RPL17: variants seen among roughly 807,000 people sequenced by gnomAD.
The protein encoded by RPL17 is ribosomal protein L17.
In RPL17, 2 loss-of-function variants were observed where a neutral mutation model predicts 27.7. The observed-to-expected ratio is 0.07, with a 90% CI of 0.03 to 0.23. The LOEUF is 0.23. RPL17 is among the 10% of genes least tolerant of loss of function. The pLI is 1.00. For synonymous variants in RPL17, 76 were observed against 75.5 expected (o/e 1.01, Z -0.03); for missense variants, 141 against 238.8 (o/e 0.59, Z 2.70).
rs1217725612 is a variant in RPL17, at chr18:49,491,596, TAC to T, written c.-13-14_-13-13del. On this transcript the variant is annotated splice_polypyrimidine_tract_variant and intron_variant, in intron 1 of 6. Coordinates refer to ENST00000580261, the MANE Select transcript of RPL17 (RefSeq NM_001035006.5). ...TTTTCACAGATCACCTAGAGGAAAG[TAC>T]AGTGTAATTCTGTCAATACGTACTT... is the stretch of plus-strand genomic sequence containing the variant. 6.2e-7 allele frequency: 1 copy of T among 1,614,030 alleles called. No individual in the cohort carries two copies. The highest frequency in any genetic ancestry group is 1.3e-5 in the African/African-American group (1 of 74,914).
chr18:49,491,590 G>A lies in RPL17; in HGVS notation c.-13-6C>T. 1 of 1,614,110 alleles carries A rather than the reference G, an allele frequency of 6.2e-7. No homozygotes were observed. The highest frequency in any genetic ancestry group is 8.5e-7 in the Non-Finnish European group (1 of 1,180,026). On this transcript the variant is annotated splice_region_variant and splice_polypyrimidine_tract_variant and intron_variant, in intron 1 of 6. Coordinates refer to ENST00000580261, the MANE Select transcript of RPL17 (RefSeq NM_001035006.5). ...GAACCATTTTCACAGATCACCTAGAGGAAAGTACAGTGTAATTCTGTCAAT... is the reference window on the plus strand; with the variant it reads ...GAACCATTTTCACAGATCACCTAGAAGAAAGTACAGTGTAATTCTGTCAAT...
At chr18:49,491,493 C>T (rs1255624295) in intron 2 of RPL17, 39 bp downstream of exon 2, 1 of 1,613,980 alleles carries the variant, frequency 6.2e-7, no homozygotes, top group Admixed American at 1.7e-5. Context: ...TATGCCAAGC[C>T]CCAAGTAGGA....
rs536858789 is a variant in RPL17, at chr18:49,490,602, T to G, written c.217-50A>C. 6.2e-6 allele frequency: 10 copies of G among 1,610,788 alleles called. No individual in the cohort carries two copies. In the South Asian group the frequency reaches 1.1e-4, roughly 18 times the overall value. The stretch of plus-strand genomic sequence containing the variant: ...TCATTTTCCTTGATTTAAATTAACA[T>G]TACAGCCAAGATGAATTTATCTGAT... On this transcript the variant is annotated intron_variant, in intron 4 of 6. Transcript: ENST00000580261.
chr18:49,491,381 G>C (rs373819181), intron 3 of RPL17, 24 bp downstream of exon 3: 13 of 1,613,910 alleles, frequency 8.1e-6, no homozygotes, highest in Non-Finnish European at 1.1e-5. Flanking sequence ...AGGAACTGTT[G>C]GATCACAACT....
At chr18:49,490,406 T>C in intron 5 of RPL17, 48 bp downstream of exon 5, 1 of 1,590,886 alleles carries the variant, frequency 6.3e-7, no homozygotes, top group Non-Finnish European at 8.6e-7. Context: ...CAGCCAACAT[T>C]AATTAAACAA....
In RPL17 at chr18:49,488,561, G is replaced by C. The variant is rs1314769597; in HGVS notation, c.513C>G (p.Ser171=). Reference sequence around the variant, plus strand: ...GTTTTTGTTTCTTCAGTTTCTTCTGGGATATCTGGGGAAAGAAAAATGTGT... The same window carrying C: ...GTTTTTGTTTCTTCAGTTTCTTCTGCGATATCTGGGGAAAGAAAAATGTGT... ...EEEVAQKKKI[S]QKKLKKQKLM... is the part of the protein sequence containing the mutation. Residue 171 remains serine (S), a synonymous_variant, in exon 7 of 7, where the codon TCC becomes TCG. Coordinates refer to ENST00000580261, the MANE Select transcript of RPL17 (RefSeq NM_001035006.5). The C allele has an allele frequency of 6.4e-7, 1 of 1,553,008 alleles. No individual in the cohort carries two copies. The highest frequency in any genetic ancestry group is 1.1e-5 in the South Asian group (1 of 89,564).
chr18:49,491,231 T>C lies in RPL17; in HGVS notation c.81+174A>G, dbSNP rs1197152003. 3.6e-6 allele frequency: 4 copies of C among 1,124,846 alleles called. No individual in the cohort carries two copies. The East Asian group carries it at 9.4e-5, about 26-fold the overall frequency. The allele number at this position is 1,124,846 out of a possible 1,614,324, so 69.7% of individuals were successfully genotyped here. On this transcript the variant is annotated intron_variant, in intron 3 of 6. Coordinates refer to ENST00000580261, the MANE Select transcript of RPL17 (RefSeq NM_001035006.5). Reference sequence around the variant, plus strand: ...GGTTTTCTGGTACTACTTCTCAATTTCACAAACGCTACATCCTTACACCCT... The same window carrying C: ...GGTTTTCTGGTACTACTTCTCAATTCCACAAACGCTACATCCTTACACCCT...
At chr18:49,490,396 C>G (rs535086169) in intron 5 of RPL17, 58 bp downstream of exon 5, 205 of 1,564,762 alleles carry the variant, frequency 1.3e-4, no homozygotes, top group Non-Finnish European at 1.7e-4. Flanking sequence ...TAAATCTGAA[C>G]AGCCAACATT....
chr18:49,491,908 G>C (rs1454153593), intron 1 of RPL17: 25 of 444,810 alleles, frequency 5.6e-5, no homozygotes, highest in South Asian at 4.5e-4. Flanking sequence ...CGCATCCGCA[G>C]GGCACAACTC....
chr18:49,491,136 G>A (rs777066471), intron 3 of RPL17: 20 of 913,102 alleles, frequency 2.2e-5, no homozygotes, highest in Non-Finnish European at 2.4e-5. Flanking sequence ...ACTATAAAAC[G>A]TTTAAATTCC....
rs2083906671 is a variant in RPL17, at chr18:49,489,581, G to A, written c.316-31C>T. Reference sequence around the variant, plus strand: ...GAAGAAAGGAAGGAGAATGAAACCAGGAACATCCTTAATTAGTAAAACACC... The same window carrying A: ...GAAGAAAGGAAGGAGAATGAAACCAAGAACATCCTTAATTAGTAAAACACC... On this transcript the variant is annotated intron_variant, in intron 5 of 6. Coordinates refer to ENST00000580261, the MANE Select transcript of RPL17 (RefSeq NM_001035006.5). 1.9e-6 allele frequency: 3 copies of A among 1,595,158 alleles called. No individual in the cohort carries two copies. The South Asian group carries it at 3.3e-5, about 18-fold the overall frequency.
At position 49,491,389 on chromosome 18, in the gene RPL17, A is replaced by C. The variant is rs1229914936; in HGVS notation, c.81+16T>G. On this transcript the variant is annotated intron_variant, in intron 3 of 6. Transcript: ENST00000580261. ...GAACATGAGGAACTGTTGGATCACA[A>C]CTATGAATCGCATACCTTAAAGTGA... 2 of 1,614,188 alleles carry C rather than the reference A, an allele frequency of 1.2e-6. No homozygotes were observed. The highest frequency in any genetic ancestry group is 3.3e-5 in the Admixed American group (2 of 60,026).
chr18:49,491,667 G>A (rs1457293243), intron 1 of RPL17, 83 bp from the exon 2 acceptor site: 9 of 1,482,522 alleles, frequency 6.1e-6, no homozygotes, highest in Non-Finnish European at 7.5e-6. Context: ...TCGAACAGCT[G>A]CTCAGAGAGT....
intron 4 of RPL17, 83 bp downstream of exon 4, chr18:49,490,710 G>C (rs975534555): frequency 2.5e-6 from 4 of 1,602,216 alleles, no homozygotes. Context: ...AGGTTCATCA[G>C]CACAGATCTT....
chr18:49,488,668 A>T (rs754757633), intron 6 of RPL17, 102 bp from the exon 7 acceptor site: 21 of 709,248 alleles, frequency 3.0e-5, no homozygotes, highest in Non-Finnish European at 5.1e-5. Flanking sequence ...GTTAAGGACT[A>T]AGGGGGAAAA....
At position 49,489,543 on chromosome 18, in the gene RPL17, T is replaced by C. The variant is rs773535881; in HGVS notation, c.323A>G (p.Asp108Gly). ...AESNAELKGL[D>G]VDSLVIEHIQ... ...ATGCTCAATGACCAGAGAATCTACA[T>C]CTAAACCCTGGGGAAGAAAGGAAGG... The change falls in exon 6 of 7, where the codon GAT (aspartate) becomes GGT (glycine). Residue 108 changes from aspartate to glycine, a missense_variant. By Grantham distance (94) the Asp-to-Gly change is moderately conservative. Transcript: ENST00000580261. 6.2e-7 allele frequency: 1 copy of C among 1,600,100 alleles called. No individual in the cohort carries two copies. Among genetic ancestry groups the C allele is most frequent in the Non-Finnish European group, 8.5e-7 (1 of 1,179,770 alleles).
intron 3 of RPL17, 63 bp from the exon 4 acceptor site, chr18:49,490,990 TA>T (rs2084030594): frequency 6.3e-7 from 1 of 1,596,654 alleles, no homozygotes; most frequent in South Asian, 1.1e-5. Context: ...AAGTAAACGT[TA>T]AATTTTCAAT....
chr18:49,489,869 T>G (rs919708306), intron 5 of RPL17, among the ~76,000 whole-genome samples: 4 of 152,148 alleles, frequency 2.6e-5, no homozygotes, highest in African/African-American at 9.7e-5. Context: ...TGATAAAATT[T>G]CTCAGCATGG....
At chr18:49,492,343 T>A (rs1275187055) in intron 1 of RPL17, 115 bp downstream of exon 1, 1 of 152,932 alleles carries the variant, frequency 6.5e-6, no homozygotes, top group African/African-American at 2.4e-5. Context: ...CAGCGAGGAT[T>A]TAGTAGCCCT....
Sources: gnomAD v4.1 joint callset for allele counts (sites outside exome capture counted in the v4.1 genomes callset) on GRCh38, gnomAD v4.1.1 for gene constraint, MANE v1.5 for transcripts, NCBI Gene and HGNC (gene_info 2026-07-23, HGNC 2026-07-21) for gene names.